Variants in MBD5 observed in about 807,000 individuals in gnomAD.
The protein encoded by MBD5 is methyl-CpG-binding domain protein 5.
A neutral mutation model predicts 117.3 loss-of-function variants in MBD5; 13 were observed. That is an observed-to-expected ratio of 0.11 (90% CI 0.07 to 0.18). The LOEUF (loss-of-function observed/expected upper bound fraction) is 0.18, where lower values mean the gene tolerates loss of function less well. Among genes scored for constraint, MBD5 ranks in the 10% least tolerant of loss-of-function variants. MBD5 has a pLI of 1.00. For synonymous variants in MBD5, 727 were observed against 766.4 expected, an observed-to-expected ratio of 0.95 and a Z score of 0.85; for missense variants, 1,879 against 2,093.8, an observed-to-expected ratio of 0.90 and a Z score of 2.00.
chr2:148,084,698 C>A (rs899000892), intron 1 of MBD5, among the ~76,000 whole-genome samples: 2 of 152,008 alleles, frequency 1.3e-5, no homozygotes, highest in African/African-American at 4.8e-5. Context: ...CTTTTCTGGA[C>A]ATTAAAAAGT....
intron 4 of MBD5, among the ~76,000 whole-genome samples, chr2:148,426,174 A>G (rs1420809082): frequency 1.3e-5 from 2 of 152,262 alleles, no homozygotes; most frequent in Non-Finnish European, 2.9e-5. Flanking sequence ...GTGGAAGAAC[A>G]TTCCGTGCTC....
intron 3 of MBD5, among the ~76,000 whole-genome samples, chr2:148,254,741 T>C (rs886653354): frequency 6.6e-6 from 1 of 152,198 alleles, no homozygotes; most frequent in African/African-American, 2.4e-5. Context: ...TGTGATGACA[T>C]GTGTTATGTT....
chr2:148,464,056 T>A, intron 7 of MBD5, 137 bp downstream of exon 7: 2 of 911,396 alleles, frequency 2.2e-6, no homozygotes, highest in African/African-American at 1.7e-5. Flanking sequence ...GTCCTGTAAT[T>A]TTATTACAAA....
chr2:148,154,978 C>G (rs1697830197), intron 1 of MBD5, among the ~76,000 whole-genome samples: 1 of 152,120 alleles, frequency 6.6e-6, no homozygotes, highest in South Asian at 2.1e-4. Context: ...TTATTGAGTT[C>G]TTATGAGGTT....
chr2:148,412,272 T>TTGTGTGTG (rs59209677), intron 4 of MBD5, among the ~76,000 whole-genome samples: 4,293 of 144,520 alleles, frequency 0.03, 171 homozygotes, highest in African/African-American at 0.088. Context: ...AGTATACTTT[T>TTGTGTGTG]TGTGTGTGTG....
At chr2:148,392,450 T>C (rs1304016066) in intron 4 of MBD5, among the ~76,000 whole-genome samples, 1 of 152,194 alleles carries the variant, frequency 6.6e-6, no homozygotes, top group Non-Finnish European at 1.5e-5. Context: ...ATCTGATATC[T>C]TCAGTTTGGC....
chr2:148,089,643 AATG>A (rs1197716535), intron 1 of MBD5, among the ~76,000 whole-genome samples: 1 of 152,114 alleles, frequency 6.6e-6, no homozygotes, highest in Non-Finnish European at 1.5e-5. Context: ...ATCTGAACTG[AATG>A]ATAATAGTGA....
chr2:148,435,153 A>T (rs777927612), intron 4 of MBD5, among the ~76,000 whole-genome samples: 4 of 152,078 alleles, frequency 2.6e-5, no homozygotes, highest in Admixed American at 6.6e-5. Flanking sequence ...GCCCATGGGT[A>T]TCACTGCATG....
chr2:148,360,616 C>T (rs1234620443), intron 4 of MBD5, among the ~76,000 whole-genome samples: 2 of 151,948 alleles, frequency 1.3e-5, no homozygotes, highest in South Asian at 2.1e-4. Context: ...CTTTTTTTCC[C>T]CTATTCACAG....
chr2:148,313,817 G>C (rs187629976), intron 3 of MBD5, among the ~76,000 whole-genome samples: 1 of 152,166 alleles, frequency 6.6e-6, no homozygotes, highest in African/African-American at 2.4e-5. Context: ...AAGACCATGG[G>C]AAAAGCAGAG....
At chr2:148,150,652 T>A (rs1268150911) in intron 1 of MBD5, among the ~76,000 whole-genome samples, 1 of 151,774 alleles carries the variant, frequency 6.6e-6, no homozygotes, top group Non-Finnish European at 1.5e-5. Flanking sequence ...GAAGAGGTCC[T>A]TCACATCCCT....
intron 2 of MBD5, among the ~76,000 whole-genome samples, chr2:148,211,099 C>T (rs1558974118): frequency 1.3e-5 from 2 of 152,122 alleles, no homozygotes; most frequent in Non-Finnish European, 2.9e-5. Flanking sequence ...ATATTTTATG[C>T]TTAAGCCTAA....
intron 2 of MBD5, among the ~76,000 whole-genome samples, chr2:148,196,501 A>G (rs1188857812): frequency 6.6e-6 from 1 of 152,184 alleles, no homozygotes. Flanking sequence ...AAAAGAATCA[A>G]TCTCTTAGGT....
intron 4 of MBD5, among the ~76,000 whole-genome samples, chr2:148,427,710 A>T (rs2105316791): frequency 6.6e-6 from 1 of 152,296 alleles, no homozygotes; most frequent in Non-Finnish European, 1.5e-5. Context: ...TAATGGGTGC[A>T]GCACACCAAC....
chr2:148,280,145 A>AC (rs1429679240), intron 3 of MBD5, among the ~76,000 whole-genome samples: 194 of 151,006 alleles, frequency 1.3e-3, no homozygotes, highest in African/African-American at 3.8e-3. Context: ...AAAAAAAAAA[A>AC]AAAAACAAAA....
chr2:148,166,400 T>C (rs1052777093), intron 1 of MBD5, among the ~76,000 whole-genome samples: 2 of 152,178 alleles, frequency 1.3e-5, no homozygotes, highest in African/African-American at 2.4e-5. Flanking sequence ...GATAGCTGTT[T>C]CTAGACATGA....
intron 4 of MBD5, among the ~76,000 whole-genome samples, chr2:148,372,008 C>T (rs1283928180): frequency 6.6e-6 from 1 of 152,084 alleles, no homozygotes; most frequent in African/African-American, 2.4e-5. Flanking sequence ...AGTCCCCATT[C>T]TCAACTTGTT....
At chr2:148,313,391 C>A (rs1702082195) in intron 3 of MBD5, among the ~76,000 whole-genome samples, 1 of 152,328 alleles carries the variant, frequency 6.6e-6, no homozygotes, top group East Asian at 1.9e-4. Flanking sequence ...GCTACAGCGG[C>A]TTTGCCAAGC....
chr2:148,510,790 T>A (rs905081196), intron 13 of MBD5, among the ~76,000 whole-genome samples: 1 of 152,310 alleles, frequency 6.6e-6, no homozygotes, highest in African/African-American at 2.4e-5. Context: ...TTAGTATAGG[T>A]TTTAGAGATT....
Sources: gnomAD v4.1 joint callset for allele counts (sites outside exome capture counted in the v4.1 genomes callset) on GRCh38, gnomAD v4.1.1 for gene constraint, MANE v1.5 for transcripts, NCBI Gene and HGNC (gene_info 2026-07-23, HGNC 2026-07-21) for gene names.